Variants in DOCK8 observed in about 807,000 individuals in gnomAD.
The protein encoded by DOCK8 is dedicator of cytokinesis protein 8.
Under a neutral mutation model 245.6 loss-of-function variants are expected in DOCK8, and 141 were observed. The observed-to-expected ratio is 0.57, with a 90% CI of 0.50 to 0.66. The LOEUF (loss-of-function observed/expected upper bound fraction) is 0.66. Ranked by LOEUF, DOCK8 falls within the 30% of genes least tolerant of loss-of-function variation. The pLI is 0.00. For synonymous variants in DOCK8, 1,168 were observed against 970.2 expected (o/e 1.20, Z -3.79); for missense variants, 2,965 against 2,603.4 (o/e 1.14, Z -3.02).
chr9:330,337 T>C (rs963197878), intron 9 of DOCK8, among the ~76,000 whole-genome samples: 2 of 152,210 alleles, frequency 1.3e-5, no homozygotes, highest in African/African-American at 4.8e-5. Flanking sequence ...GCGATGGGCC[T>C]ATCCTTATGT....
intron 5 of DOCK8, among the ~76,000 whole-genome samples, chr9:308,692 C>G (rs1308028254): frequency 2.0e-5 from 3 of 152,192 alleles, no homozygotes; most frequent in Non-Finnish European, 2.9e-5. Context: ...GAGTCTTGCT[C>G]TGTCGCCTAG....
At chr9:293,481 A>C (rs1407074160) in intron 4 of DOCK8, among the ~76,000 whole-genome samples, 1 of 152,250 alleles carries the variant, frequency 6.6e-6, no homozygotes, top group African/African-American at 2.4e-5. Context: ...TGATTCATAT[A>C]AATGAAACCA....
At chr9:251,097 G>C (rs2047634135) in intron 1 of DOCK8, among the ~76,000 whole-genome samples, 1 of 152,202 alleles carries the variant, frequency 6.6e-6, no homozygotes, top group African/African-American at 2.4e-5. Flanking sequence ...GACAAGGACA[G>C]ATCTCGAATA....
chr9:318,048 AC>A (rs2050423062), intron 7 of DOCK8, among the ~76,000 whole-genome samples: 1 of 152,304 alleles, frequency 6.6e-6, no homozygotes, highest in African/African-American at 2.4e-5. Flanking sequence ...ACATTATAAA[AC>A]ATAATAGAAA....
chr9:424,829 G>A (rs891094115), intron 33 of DOCK8, among the ~76,000 whole-genome samples: 3 of 152,142 alleles, frequency 2.0e-5, no homozygotes. Context: ...TTTATGTTAG[G>A]TGTACTTTAT....
At chr9:234,730 C>G (rs1456360240) in intron 1 of DOCK8, among the ~76,000 whole-genome samples, 1 of 152,132 alleles carries the variant, frequency 6.6e-6, no homozygotes. Context: ...GCTCTTTTGC[C>G]TTGGTTTTCA....
intron 10 of DOCK8, among the ~76,000 whole-genome samples, chr9:333,072 G>A (rs1275887278): frequency 6.6e-6 from 1 of 152,132 alleles, no homozygotes; most frequent in Non-Finnish European, 1.5e-5. Context: ...TTCATTCTGA[G>A]GCTCTGACTC....
intron 16 of DOCK8, among the ~76,000 whole-genome samples, chr9:370,886 G>T (rs2053257996): frequency 1.3e-5 from 2 of 152,190 alleles, no homozygotes; most frequent in African/African-American, 4.8e-5. Context: ...CACATTCTGG[G>T]ATTGGGATGA....
chr9:363,573 T>G (rs1351588356), intron 14 of DOCK8, among the ~76,000 whole-genome samples: 1 of 152,218 alleles, frequency 6.6e-6, no homozygotes, highest in Non-Finnish European at 1.5e-5. Context: ...TCTTACTGAT[T>G]TAGAAATATG....
chr9:342,692 A>T (rs544587898), intron 14 of DOCK8, among the ~76,000 whole-genome samples: 314 of 149,978 alleles, frequency 2.1e-3, no homozygotes, highest in African/African-American at 7.6e-3. Context: ...CTGGTCTTGA[A>T]CTCCTGACCT....
rs777318020 is a variant in DOCK8 at position 340,194 on chromosome 9, A to G, written c.1552A>G (p.Ile518Val). 23 of 1,614,002 alleles carry G rather than the reference A, an allele frequency of 1.4e-5. No homozygotes were observed. The highest frequency in any genetic ancestry group is 5.1e-6 in the Non-Finnish European group (6 of 1,180,016). ...LRLEISTAPE[I>V]INCCLTPEML... The stretch of plus-strand genomic sequence containing the variant: ...ACTGGAGATTTCTACAGCTCCAGAG[A>G]TCATCAATTGCTGTCTGACTCCTGA... Residue 518 changes from isoleucine to valine, a missense_variant, in exon 14 of 48, where the codon ATC becomes GTC. Ile to Val is a conservative substitution (Grantham distance 29). This residue lies in a region of DOCK8 where 2,825 missense variants were observed against 2,453.5 expected (regional missense o/e 1.15). Transcript: ENST00000432829.
rs1296030347 is a variant in DOCK8, at chr9:289,543, T to G, written c.366T>G (p.Val122=). Residue 122 remains valine, a synonymous_variant, in exon 4 of 48, where the codon GTT becomes GTG. Coordinates refer to ENST00000432829, the MANE Select transcript of DOCK8 (RefSeq NM_203447.4). ...TGGACCCTCATGTCAGGGACTGTGT[T>G]CAGACCTACATCCGTGAGTGGCTAA... is the stretch of plus-strand genomic sequence containing the variant. ...VELDPHVRDC[V]QTYIREWLIV... is the part of the protein sequence containing the mutation. 1.9e-6 allele frequency: 3 copies of G among 1,613,340 alleles called. No homozygotes were observed. The African/African-American group carries it at 4.0e-5, about 22-fold the overall frequency.
chr9:366,603 A>T (rs1341233024), intron 14 of DOCK8: 1 of 152,246 alleles, frequency 6.6e-6, no homozygotes, highest in Non-Finnish European at 1.5e-5. Flanking sequence ...TGTTAAATTC[A>T]TAAAAGCTAC....
intron 14 of DOCK8, among the ~76,000 whole-genome samples, chr9:364,847 A>G (rs1057018937): frequency 6.6e-6 from 1 of 152,176 alleles, no homozygotes; most frequent in African/African-American, 2.4e-5. Context: ...TAAGATAATC[A>G]TATGATTATG....
intron 15 of DOCK8, chr9:368,404 T>G: frequency 3.0e-6 from 2 of 656,122 alleles, no homozygotes; most frequent in South Asian, 1.7e-5. Flanking sequence ...CTTTCCATAC[T>G]GCCCATAGGA....
At chr9:445,838 G>T (rs1412949289) in intron 43 of DOCK8, among the ~76,000 whole-genome samples, 2 of 152,210 alleles carry the variant, frequency 1.3e-5, no homozygotes, top group African/African-American at 4.8e-5. Flanking sequence ...GAGTGGGGTT[G>T]CTGGGTCCAA....
At chr9:399,087 C>G in intron 25 of DOCK8, 59 bp from the exon 26 acceptor site, 10 of 1,513,238 alleles carry the variant, frequency 6.6e-6, no homozygotes, top group Non-Finnish European at 9.2e-6. Context: ...CACCAGTGAC[C>G]TGGAAGTTCA....
chr9:292,501 CT>C (rs369873420), intron 4 of DOCK8, among the ~76,000 whole-genome samples: 15 of 142,266 alleles, frequency 1.1e-4, no homozygotes, highest in African/African-American at 2.6e-4. Flanking sequence ...AAAAGGTTGT[CT>C]TTTTTTTCAT....
chr9:212,451 G>C (rs1324033870), upstream of DOCK8, among the ~76,000 whole-genome samples: 1 of 152,228 alleles, frequency 6.6e-6, no homozygotes, highest in Non-Finnish European at 1.5e-5. Context: ...GCCTCCCAGA[G>C]TTCTCTCTGG....
Sources: gnomAD v4.1 joint callset for allele counts (sites outside exome capture counted in the v4.1 genomes callset) on GRCh38, gnomAD v4.1.1 for gene constraint, gnomAD v4.1.1 regional missense constraint, MANE v1.5 for transcripts, NCBI Gene and HGNC (gene_info 2026-07-23, HGNC 2026-07-21) for gene names.